TAS2R1: variants seen among roughly 807,000 people sequenced by gnomAD.
TAS2R1 encodes taste 2 receptor member 1, also known as taste receptor type 2 member 1.
For missense variants in TAS2R1, 370 were observed against 353.4 expected, an observed-to-expected ratio of 1.05 and a Z score of -0.38; for synonymous variants, 141 against 134.2, an observed-to-expected ratio of 1.05 and a Z score of -0.35.
intron 1 of TAS2R1, among the ~76,000 whole-genome samples, chr5:9,700,119 A>G (rs1741445988): frequency 6.6e-6 from 1 of 152,214 alleles, no homozygotes; most frequent in South Asian, 2.1e-4. Flanking sequence ...AAGCTAATCC[A>G]TAGAATCCTG....
At chr5:9,883,560 T>C in the TAS2R1 span, among the ~76,000 whole-genome samples, 9 of 152,164 alleles carry the variant, frequency 5.9e-5, no homozygotes, top group African/African-American at 2.2e-4. Context: ...AATATATCAC[T>C]AATATTTAAA....
At chr5:9,675,091 C>A (rs1398189968) in intron 1 of TAS2R1, among the ~76,000 whole-genome samples, 5 of 144,856 alleles carry the variant, frequency 3.5e-5, no homozygotes, top group African/African-American at 1.3e-4. Context: ...TATAATAACA[C>A]CCCAAAATGA....
At chr5:9,786,628 T>C in the TAS2R1 span, among the ~76,000 whole-genome samples, 1 of 152,224 alleles carries the variant, frequency 6.6e-6, no homozygotes, top group Admixed American at 6.5e-5. Context: ...AGGATGTAGC[T>C]GAGCATCGAG....
the TAS2R1 span, among the ~76,000 whole-genome samples, chr5:9,840,233 C>A: frequency 9.6e-4 from 146 of 152,276 alleles, no homozygotes; most frequent in African/African-American, 3.4e-3. Context: ...CAATTTACCA[C>A]GAAAACAGGG....
chr5:9,882,114 T>G, the TAS2R1 span, among the ~76,000 whole-genome samples: 2 of 152,132 alleles, frequency 1.3e-5, no homozygotes, highest in Non-Finnish European at 2.9e-5. Context: ...ATCCATCTGA[T>G]AAAGGTCTAA....
In TAS2R1 at chr5:9,673,490, A is replaced by G. The variant is rs890591199; in HGVS notation, c.-241-13909T>C. Among the ~76,000 whole-genome samples, 115 of 152,140 alleles carry G rather than the reference A, an allele frequency of 7.6e-4. 1 individual carries two copies. The highest frequency in any genetic ancestry group is 2.6e-3 in the African/African-American group (109 of 41,548). Reference sequence around the variant, plus strand: ...CTAATAAATGTTATAAAATCATCACATATTTGTATCTAAGTGGCTTCTTTA... The same window carrying G: ...CTAATAAATGTTATAAAATCATCACGTATTTGTATCTAAGTGGCTTCTTTA... On this transcript the variant is annotated intron_variant, in intron 1 of 2. Transcript: ENST00000506620.
chr5:9,772,097 T>C, the TAS2R1 span, among the ~76,000 whole-genome samples: 1 of 152,102 alleles, frequency 6.6e-6, no homozygotes, highest in Non-Finnish European at 1.5e-5. Context: ...ACCATTAGGT[T>C]GTTTATTCGA....
chr5:9,763,909 A>G, the TAS2R1 span, among the ~76,000 whole-genome samples: 8 of 152,382 alleles, frequency 5.2e-5, no homozygotes, highest in East Asian at 1.5e-3. Context: ...AATATGGAAA[A>G]TAAAAGTTAA....
At chr5:9,758,793 T>C in the TAS2R1 span, among the ~76,000 whole-genome samples, 1 of 152,328 alleles carries the variant, frequency 6.6e-6, no homozygotes, top group East Asian at 1.9e-4. Flanking sequence ...TGAGGTGCAC[T>C]TGTCCCATAA....
At chr5:9,846,947 T>C in the TAS2R1 span, among the ~76,000 whole-genome samples, 10 of 152,226 alleles carry the variant, frequency 6.6e-5, no homozygotes, top group Non-Finnish European at 1.2e-4. Context: ...AAAGTTGCAG[T>C]CTCAGGCCAT....
chr5:9,888,019 C>G, the TAS2R1 span, among the ~76,000 whole-genome samples: 183 of 152,206 alleles, frequency 1.2e-3, 2 homozygotes, highest in African/African-American at 4.3e-3. Context: ...GTTTAATAAG[C>G]AGCCCCGCTG....
chr5:9,695,908 TA>T (rs1741346965), intron 1 of TAS2R1, among the ~76,000 whole-genome samples: 1 of 152,150 alleles, frequency 6.6e-6, no homozygotes, highest in South Asian at 2.1e-4. Flanking sequence ...TAATGTGTGA[TA>T]AAAACATTTT....
chr5:9,663,662 TTTTAGGTAGCAGTCC>T (rs1307273795), intron 1 of TAS2R1, among the ~76,000 whole-genome samples: 1 of 152,202 alleles, frequency 6.6e-6, no homozygotes, highest in Non-Finnish European at 1.5e-5. Flanking sequence ...TCTCAAAAAG[TTTTAGGTAGCAGTCC>T]TTGTAAGGAG....
intron 1 of TAS2R1, among the ~76,000 whole-genome samples, chr5:9,691,325 T>C (rs546372695): frequency 2.0e-5 from 3 of 152,326 alleles, no homozygotes; most frequent in Admixed American, 6.5e-5. Context: ...GGATCCCCCA[T>C]AGAACCTCCA....
the TAS2R1 span, among the ~76,000 whole-genome samples, chr5:9,834,863 G>A: frequency 6.6e-6 from 1 of 152,056 alleles, no homozygotes; most frequent in Non-Finnish European, 1.5e-5. Flanking sequence ...TCAATTTGCT[G>A]CACAAGTTAA....
upstream of TAS2R1, among the ~76,000 whole-genome samples, chr5:9,715,431 T>C (rs939322910): frequency 6.6e-6 from 1 of 152,206 alleles, no homozygotes; most frequent in African/African-American, 2.4e-5. Flanking sequence ...TATGAGGCCA[T>C]TGGAAGCAAC....
At chr5:9,832,459 G>A in the TAS2R1 span, among the ~76,000 whole-genome samples, 1 of 152,174 alleles carries the variant, frequency 6.6e-6, no homozygotes, top group Non-Finnish European at 1.5e-5. Context: ...GGGAGAAGGT[G>A]GACCTTTCCG....
At chr5:9,844,769 A>C in the TAS2R1 span, among the ~76,000 whole-genome samples, 2 of 152,136 alleles carry the variant, frequency 1.3e-5, no homozygotes, top group Non-Finnish European at 2.9e-5. Context: ...TCTACAAAAA[A>C]AGTAAGCTAA....
At chr5:9,735,139 C>T in the TAS2R1 span, among the ~76,000 whole-genome samples, 4 of 151,186 alleles carry the variant, frequency 2.6e-5, no homozygotes, top group Non-Finnish European at 1.5e-5. Context: ...GACCAGATCT[C>T]CTAAGAATTC....
Sources: allele counts gnomAD v4.1 joint callset (sites outside exome capture counted in the v4.1 genomes callset), GRCh38; gene constraint gnomAD v4.1.1; transcripts MANE v1.5; gene names NCBI Gene and HGNC (gene_info 2026-07-23, HGNC 2026-07-21).